The following DEPDC1 variants were observed in gnomAD, a reference collection of about 807,000 sequenced individuals.
DEPDC1 encodes DEP domain-containing protein 1A.
In DEPDC1, 66 loss-of-function variants were observed where a neutral mutation model predicts 86.8. That is an observed-to-expected ratio of 0.76 (90% CI 0.62 to 0.93). The LOEUF (loss-of-function observed/expected upper bound fraction) is 0.93, where lower values mean the gene tolerates loss of function less well. Ranked by LOEUF, DEPDC1 falls within the 40% of genes least tolerant of loss-of-function variation. The pLI, the probability that DEPDC1 is intolerant of heterozygous loss-of-function variation, is 0.00. For synonymous variants in DEPDC1, 255 were observed against 314.9 expected (o/e 0.81, Z 2.02); for missense variants, 792 against 935.7 (o/e 0.85, Z 2.00).
intron 4 of DEPDC1, 84 bp downstream of exon 4, chr1:68,488,832 G>T: frequency 1.1e-6 from 1 of 917,374 alleles, no homozygotes; most frequent in Non-Finnish European, 1.8e-6. Context: ...AATCTGTTCT[G>T]ATTCATTTGC....
chr1:68,483,580 G>A (rs1014553085), intron 7 of DEPDC1: 3 of 288,128 alleles, frequency 1.0e-5, no homozygotes, highest in Middle Eastern at 1.2e-3. Context: ...CTGGGATCAC[G>A]GCATGACCAG....
At chr1:68,480,670 A>G (rs1031690298) in intron 9 of DEPDC1, among the ~76,000 whole-genome samples, 3 of 151,964 alleles carry the variant, frequency 2.0e-5, no homozygotes, top group Non-Finnish European at 2.9e-5. Flanking sequence ...GTCTCTGAAA[A>G]CATCTTCCTC....
rs749675344 is a variant in DEPDC1 at position 68,482,423 on chromosome 1, T to G, written c.1385A>C (p.Lys462Thr). 3 of 1,612,852 alleles carry G rather than the reference T, an allele frequency of 1.9e-6. No individual in the cohort carries two copies. The South Asian group carries it at 3.3e-5, about 18-fold the overall frequency. ...NNKLFLESKPKQEFLLNLHSE... is the reference protein window; with the variant it reads ...NNKLFLESKPTQEFLLNLHSE... ...ATGAAGATTCAACAGGAATTCCTGT[T>G]TGGGCTTAGACTCTAAAAACAGTTT... is the stretch of plus-strand genomic sequence containing the variant. The change falls in exon 8 of 12, where the codon AAA (lysine) becomes ACA (threonine). Residue 462 changes from lysine to threonine, a missense_variant. Lys to Thr is a moderately conservative substitution (Grantham distance 78). Transcript: ENST00000456315.
Position 68,486,919 on chromosome 1 carries a change from CACAT to C in DEPDC1, c.769+14_769+17del, listed in dbSNP as rs753025220. 5.2e-5 allele frequency: 80 copies of C among 1,544,110 alleles called. No homozygotes were observed. Among genetic ancestry groups the C allele is most frequent in the South Asian group, 6.0e-5 (5 of 83,332 alleles). On this transcript the variant is annotated intron_variant, in intron 6 of 11. Transcript: ENST00000456315. ...ACACACACACACACACACACACACA[CACAT>C]ATATTTAACTTACAATTTGCTAGGC...
intron 7 of DEPDC1, chr1:68,483,197 A>T: frequency 1.9e-6 from 1 of 537,066 alleles, no homozygotes; most frequent in Non-Finnish European, 3.5e-6. Context: ...CTCAGTCTGC[A>T]AGTACTAGAA....
At position 68,487,856 on chromosome 1, in the gene DEPDC1, A is replaced by G. The variant is rs141900663; in HGVS notation, c.721+518T>C. ...ATTTTTGTATCTAAATCTGAAATCAATCAACTATATAAATATATAAAACAA... is the reference window on the plus strand; with the variant it reads ...ATTTTTGTATCTAAATCTGAAATCAGTCAACTATATAAATATATAAAACAA... On this transcript the variant is annotated intron_variant, in intron 5 of 11. Transcript: ENST00000456315. Among the ~76,000 whole-genome samples the G allele has an allele frequency of 4.0e-4, 61 of 152,008 alleles. 1 individual carries two copies. Among genetic ancestry groups the G allele is most frequent in the African/African-American group, 1.5e-3 (61 of 41,532 alleles).
intron 6 of DEPDC1, among the ~76,000 whole-genome samples, chr1:68,485,406 T>A (rs1203717801): frequency 6.6e-6 from 1 of 152,040 alleles, no homozygotes; most frequent in Non-Finnish European, 1.5e-5. Flanking sequence ...GCTTTCTCTG[T>A]TGGAAAAATT....
chr1:68,497,030 C>T lies in DEPDC1; in HGVS notation c.-31G>A. 1.2e-6 allele frequency: 2 copies of T among 1,609,462 alleles called. No individual in the cohort carries two copies. Among genetic ancestry groups the T allele is most frequent in the Non-Finnish European group, 1.7e-6 (2 of 1,177,320 alleles). On this transcript the variant is annotated 5_prime_UTR_variant, in exon 1 of 12. Transcript: ENST00000456315. ...TGTCAGCGCCCGGTGGCGTCCATGG[C>T]GGCGAAGGCGACACTCAGGCCCAGC...
rs1646215041 is a variant in DEPDC1 at position 68,489,479 on chromosome 1, A to G, written c.444T>C (p.Pro148=). The G allele has an allele frequency of 1.3e-6, 2 of 1,521,786 alleles. No individual in the cohort carries two copies. Among genetic ancestry groups the G allele is most frequent in the South Asian group, 2.7e-5 (2 of 73,982 alleles). 94.3% of individuals were successfully genotyped at this position (1,521,786 alleles called of 1,614,324 possible). Residue 148 remains proline, a synonymous_variant, in exon 3 of 12, where the codon CCT becomes CCC. Coordinates refer to ENST00000456315, the MANE Select transcript of DEPDC1 (RefSeq NM_001114120.3). ...GAGATAAATGTAATCCATGCCTTTT[A>G]GGAGTTCTACGAGATAAGTTTCGTA... ...FKLRNLSRRT[P]KRHGLHLSQE...
chr1:68,482,726 G>A lies in DEPDC1; in HGVS notation c.1082C>T (p.Ser361Phe). ...ATTGCTTATCTGTAGTCTCTCAGTA[G>A]AATCTGATTCTTCTTTGTTTTTTTC... ...HREKNKEESDSTERLQISNPG... is the reference protein window; with the variant it reads ...HREKNKEESDFTERLQISNPG... The change falls in exon 8 of 12, where the codon TCT becomes TTT. Residue 361 changes from serine (S) to phenylalanine (F), a missense_variant. Transcript: ENST00000456315. The A allele has an allele frequency of 1.2e-6, 2 of 1,612,518 alleles. No homozygotes were observed. Among genetic ancestry groups the A allele is most frequent in the Non-Finnish European group, 1.7e-6 (2 of 1,179,192 alleles).
chr1:68,480,251 ACC>A (rs1491523895), intron 9 of DEPDC1, among the ~76,000 whole-genome samples: 8,946 of 37,000 alleles, frequency 0.24, 310 homozygotes, highest in Middle Eastern at 0.36. Flanking sequence ...CTCTAACTGT[ACC>A]ACACACACAC....
At chr1:68,485,465 G>T (rs866075384) in intron 6 of DEPDC1, among the ~76,000 whole-genome samples, 25 of 152,010 alleles carry the variant, frequency 1.6e-4, no homozygotes, top group African/African-American at 5.3e-4. Flanking sequence ...AATTACTCTG[G>T]GGGATCGAAT....
Position 68,496,784 on chromosome 1 carries a change from A to C in DEPDC1, c.48+168T>G, listed in dbSNP as rs1646268721. ...AATAGAGGGAGCGGTGAGTCTGGCA[A>C]GGGTTGCATACCCGCTACTTCTCCT... On this transcript the variant is annotated intron_variant, in intron 1 of 11. Transcript: ENST00000456315. This position sits in a 1 kb window ranked among gnomAD's most constrained non-coding sequence, Gnocchi z 4.0. The C allele has an allele frequency of 7.5e-6, 5 of 664,948 alleles. No individual in the cohort carries two copies. The highest frequency in any genetic ancestry group is 1.3e-5 in the Non-Finnish European group (5 of 381,408). The allele number at this position is 664,948 out of a possible 1,614,324, so 41.2% of individuals were successfully genotyped here. A position where few individuals can be genotyped will look rare whatever the true frequency, so the allele number is the denominator to read the frequency against.
Position 68,496,816 on chromosome 1 carries a change from C to A in DEPDC1, c.48+136G>T. 1 of 839,458 alleles carries A rather than the reference C, an allele frequency of 1.2e-6. No individual in the cohort carries two copies. The highest frequency in any genetic ancestry group is 2.3e-4 in the Middle Eastern group (1 of 4,314). 52.0% of individuals were successfully genotyped at this position (839,458 alleles called of 1,614,324 possible). A position where few individuals can be genotyped will look rare whatever the true frequency, so the allele number is the denominator to read the frequency against. The stretch of plus-strand genomic sequence containing the variant: ...CATACCCGCTACTTCTCCTCGCCAG[C>A]CTTTTCACTGAACCTAGGGATCCTG... On this transcript the variant is annotated intron_variant, in intron 1 of 11. Coordinates refer to ENST00000456315, the MANE Select transcript of DEPDC1 (RefSeq NM_001114120.3). The surrounding 1 kb of genome is among the most constrained non-coding windows in gnomAD (Gnocchi z 4.0).
intron 2 of DEPDC1, 55 bp downstream of exon 2, chr1:68,494,375 G>A (rs1646249387): frequency 3.4e-6 from 5 of 1,476,116 alleles, no homozygotes; most frequent in Non-Finnish European, 3.7e-6. Context: ...TATAATATAA[G>A]TAGAGATAAA....
intron 9 of DEPDC1, among the ~76,000 whole-genome samples, chr1:68,481,000 C>T (rs758056186): frequency 4.3e-4 from 66 of 152,118 alleles, no homozygotes; most frequent in Admixed American, 9.8e-4. Context: ...TTCTTGTCCA[C>T]GATGACCTAC....
intron 1 of DEPDC1, among the ~76,000 whole-genome samples, chr1:68,495,013 A>C (rs909203070): frequency 3.3e-5 from 5 of 152,108 alleles, no homozygotes; most frequent in African/African-American, 4.8e-5. Context: ...ATAGTGGTGC[A>C]TGCCTATAAT....
At chr1:68,480,779 C>T (rs1201966763) in intron 9 of DEPDC1, among the ~76,000 whole-genome samples, 17 of 151,722 alleles carry the variant, frequency 1.1e-4, no homozygotes, top group East Asian at 3.9e-4. Flanking sequence ...TCTTTAATAA[C>T]GCGTGGAAGA....
Position 68,489,485 on chromosome 1 carries a change from T to A in DEPDC1, c.438A>T (p.Arg146Ser), listed in dbSNP as rs1646215060. 6.5e-7 allele frequency: 1 copy of A among 1,526,868 alleles called. No homozygotes were observed. The highest frequency in any genetic ancestry group is 1.3e-5 in the South Asian group (1 of 74,788). The allele number at this position is 1,526,868 out of a possible 1,614,324, so 94.6% of individuals were successfully genotyped here. Reference protein sequence around the residue: ...SIFKLRNLSRRTPKRHGLHLS... With the variant: ...SIFKLRNLSRSTPKRHGLHLS... ...AATGTAATCCATGCCTTTTAGGAGT[T>A]CTACGAGATAAGTTTCGTAATTTAA... Residue 146 changes from arginine to serine, a missense_variant, in exon 3 of 12, where the codon AGA becomes AGT. By Grantham distance (110) the Arg-to-Ser change is moderately radical. Coordinates refer to ENST00000456315, the MANE Select transcript of DEPDC1 (RefSeq NM_001114120.3).
Sources: allele counts gnomAD v4.1 joint callset (sites outside exome capture counted in the v4.1 genomes callset), GRCh38; gene constraint gnomAD v4.1.1; non-coding constraint Gnocchi (gnomAD v3.1); transcripts MANE v1.5; gene names NCBI Gene and HGNC (gene_info 2026-07-23, HGNC 2026-07-21).